Variants in CBFA2T2 observed in about 807,000 individuals in gnomAD.
The protein encoded by CBFA2T2 is CBFA2/RUNX1 partner transcriptional co-repressor 2, also known as protein CBFA2T2.
CBFA2T2 carries 11 observed loss-of-function variants against 62.2 expected under a neutral mutation model. The observed-to-expected ratio is 0.18, with a 90% CI of 0.11 to 0.29. The LOEUF (loss-of-function observed/expected upper bound fraction) is 0.29. Ranked by LOEUF, CBFA2T2 falls within the 10% of genes least tolerant of loss-of-function variation. The probability of loss-of-function intolerance (pLI) is 1.00; values close to 1 mark genes in which losing one functional copy is unlikely to be tolerated. For synonymous variants in CBFA2T2, 295 were observed against 287.5 expected (o/e 1.03, Z -0.27); for missense variants, 592 against 774.1 (o/e 0.76, Z 2.79).
intron 6 of CBFA2T2, among the ~76,000 whole-genome samples, chr20:33,626,093 C>G (rs2016214239): frequency 6.6e-6 from 1 of 151,820 alleles, no homozygotes; most frequent in Non-Finnish European, 1.5e-5. Context: ...CAGAGCAAGA[C>G]TCCGTCTCCA....
intron 1 of CBFA2T2, among the ~76,000 whole-genome samples, chr20:33,605,633 A>G (rs1180448280): frequency 4.6e-5 from 7 of 152,270 alleles, no homozygotes; most frequent in African/African-American, 1.7e-4. Flanking sequence ...ACAACTGCCT[A>G]TTATTAATTG....
intron 1 of CBFA2T2, chr20:33,600,413 C>T (rs1430430963): frequency 5.6e-6 from 2 of 358,146 alleles, no homozygotes; most frequent in Non-Finnish European, 1.1e-5. Context: ...GTCTTGAACT[C>T]CTGACCTCAG....
chr20:33,493,464 T>C (rs932984262), intron 1 of CBFA2T2, among the ~76,000 whole-genome samples: 3 of 152,204 alleles, frequency 2.0e-5, no homozygotes, highest in African/African-American at 7.2e-5. Flanking sequence ...GCCAGAGTCC[T>C]TGGGGAAGTA....
intron 1 of CBFA2T2, among the ~76,000 whole-genome samples, chr20:33,552,558 A>G (rs1418642788): frequency 1.3e-5 from 2 of 152,204 alleles, no homozygotes; most frequent in Non-Finnish European, 2.9e-5. Context: ...CAAATTCTAA[A>G]CATTTTTTTG....
intron 1 of CBFA2T2, among the ~76,000 whole-genome samples, chr20:33,585,419 T>TC (rs1263498151): frequency 6.6e-6 from 1 of 152,134 alleles, no homozygotes; most frequent in Non-Finnish European, 1.5e-5. Context: ...TATAGGAAGG[T>TC]CCCCCCATAC....
chr20:33,596,255 C>T (rs1397055721), intron 1 of CBFA2T2, among the ~76,000 whole-genome samples: 4 of 152,146 alleles, frequency 2.6e-5, no homozygotes, highest in South Asian at 2.1e-4. Context: ...AGTTCTGGGG[C>T]GAGATCTGTG....
rs79890991 is a variant in CBFA2T2 at position 33,568,275 on chromosome 20, T to C, written c.35-38681T>C. Among the ~76,000 whole-genome samples the C allele has an allele frequency of 3.7e-3, 557 of 152,296 alleles. 4 individuals are homozygous for C. Among genetic ancestry groups the C allele is most frequent in the African/African-American group, 0.013 (534 of 41,562 alleles). On this transcript the variant is annotated intron_variant, in intron 1 of 10. Coordinates refer to ENST00000342704, the MANE Select transcript of CBFA2T2 (RefSeq NM_001032999.3). ...GATTTTTCCCAGTCCCCCAAAAACA[T>C]TGAAGTCACAATAACTAAAAGATTT...
intron 1 of CBFA2T2, among the ~76,000 whole-genome samples, chr20:33,515,506 C>T (rs2011585004): frequency 6.6e-6 from 1 of 152,004 alleles, no homozygotes; most frequent in Non-Finnish European, 1.5e-5. Flanking sequence ...TCTGCATTGA[C>T]ACTATAGTTT....
chr20:33,516,348 T>C (rs1218984836), intron 1 of CBFA2T2, among the ~76,000 whole-genome samples: 1 of 151,988 alleles, frequency 6.6e-6, no homozygotes, highest in Non-Finnish European at 1.5e-5. Context: ...TGCATGCCTG[T>C]AATTCCAGCT....
At chr20:33,616,430 A>G (rs1458322881) in intron 3 of CBFA2T2, among the ~76,000 whole-genome samples, 2 of 152,208 alleles carry the variant, frequency 1.3e-5, no homozygotes, top group Non-Finnish European at 2.9e-5. Context: ...ATGGTATAGA[A>G]CTATAAGTAT....
Position 33,564,487 on chromosome 20 carries a change from A to G in CBFA2T2, c.35-42469A>G, listed in dbSNP as rs985624470. Reference sequence around the variant, plus strand: ...GGTCAGGCTGGTCTTGAACTCCTGAACTTGTGATCCGCCTGCCTCAGCCTC... The same window carrying G: ...GGTCAGGCTGGTCTTGAACTCCTGAGCTTGTGATCCGCCTGCCTCAGCCTC... On this transcript the variant is annotated intron_variant, in intron 1 of 10. Coordinates refer to ENST00000342704, the MANE Select transcript of CBFA2T2 (RefSeq NM_001032999.3). Among the ~76,000 whole-genome samples the G allele has an allele frequency of 5.9e-5, 9 of 151,666 alleles. No homozygotes were observed. In the East Asian group the frequency reaches 1.6e-3, roughly 26 times the overall value.
At chr20:33,567,079 T>C (rs2013350838) in intron 1 of CBFA2T2, among the ~76,000 whole-genome samples, 1 of 152,232 alleles carries the variant, frequency 6.6e-6, no homozygotes, top group Non-Finnish European at 1.5e-5. Flanking sequence ...AACAACATAT[T>C]ATAACTGGTG....
chr20:33,497,769 C>T (rs565505565), intron 1 of CBFA2T2, among the ~76,000 whole-genome samples: 7 of 152,008 alleles, frequency 4.6e-5, no homozygotes, highest in Non-Finnish European at 8.8e-5. Context: ...AGGCTAGTCT[C>T]GATCACTTGA....
At chr20:33,530,265 C>T (rs1466510530) in intron 1 of CBFA2T2, among the ~76,000 whole-genome samples, 1 of 152,050 alleles carries the variant, frequency 6.6e-6, no homozygotes, top group Non-Finnish European at 1.5e-5. Flanking sequence ...CTCTGAATCT[C>T]CTTAAGGCTG....
At chr20:33,538,870 A>G (rs2012335603) in intron 1 of CBFA2T2, among the ~76,000 whole-genome samples, 1 of 150,726 alleles carries the variant, frequency 6.6e-6, no homozygotes, top group South Asian at 2.1e-4. Flanking sequence ...TAATTAGTTA[A>G]TGGCTTTCTG....
rs1645887290 is a variant in CBFA2T2, at chr20:33,647,308, G to A, written c.*2662G>A. 2 of 152,226 alleles carry A rather than the reference G, an allele frequency of 1.3e-5. No individual in the cohort carries two copies. The highest frequency in any genetic ancestry group is 4.8e-5 in the African/African-American group (2 of 41,434). 9.4% of individuals were successfully genotyped at this position (152,226 alleles called of 1,614,324 possible). On this transcript the variant is annotated 3_prime_UTR_variant, in exon 11 of 11. Transcript: ENST00000342704. The stretch of plus-strand genomic sequence containing the variant: ...TGTTTGTTTGTTTGTTTTGAGACGG[G>A]AGTTTCTCTCTTGTCTCCCAGGCTG...
In CBFA2T2 at chr20:33,599,558, G is replaced by A. The variant is rs188968267; in HGVS notation, c.35-7398G>A. Among the ~76,000 whole-genome samples the A allele has an allele frequency of 2.0e-5, 3 of 150,844 alleles. No individual in the cohort carries two copies. In the East Asian group the frequency reaches 5.8e-4, roughly 29 times the overall value. ...TGTGCTCCATCTTCTATCTTCAAAGGTCCTTGTAAAATACTTTCTGGTAAT... is the reference window on the plus strand; with the variant it reads ...TGTGCTCCATCTTCTATCTTCAAAGATCCTTGTAAAATACTTTCTGGTAAT... On this transcript the variant is annotated intron_variant, in intron 1 of 10. Coordinates refer to ENST00000342704, the MANE Select transcript of CBFA2T2 (RefSeq NM_001032999.3).
intron 9 of CBFA2T2, among the ~76,000 whole-genome samples, chr20:33,637,762 G>A (rs928102278): frequency 9.3e-5 from 14 of 151,112 alleles, no homozygotes; most frequent in African/African-American, 2.4e-4. Flanking sequence ...CCGCCTCCCC[G>A]GTTCAAGCTA....
rs116605957 is a variant in CBFA2T2, at chr20:33,548,009, G to A, written c.34+57708G>A. ...AGGTTTTGAACTCCTGGGCTCAAGC[G>A]ATCCTTCCACCTCTGCCTCCTTAAG... On this transcript the variant is annotated intron_variant, in intron 1 of 10. Coordinates refer to ENST00000342704, the MANE Select transcript of CBFA2T2 (RefSeq NM_001032999.3). 7.2e-3 allele frequency among the ~76,000 whole-genome samples: 1,092 copies of A among 152,092 alleles called. 17 individuals carry two copies. Among genetic ancestry groups the A allele is most frequent in the African/African-American group, 0.025 (1,054 of 41,506 alleles).
Sources: allele counts gnomAD v4.1 joint callset (sites outside exome capture counted in the v4.1 genomes callset), GRCh38; gene constraint gnomAD v4.1.1; transcripts MANE v1.5; gene names NCBI Gene and HGNC (gene_info 2026-07-23, HGNC 2026-07-21).